CNNM2: variants seen among roughly 807,000 people sequenced by gnomAD.
The protein encoded by CNNM2 is metal transporter CNNM2.
Under a neutral mutation model 66.9 loss-of-function variants are expected in CNNM2, and 12 were observed. The observed-to-expected ratio is 0.18, with a 90% CI of 0.11 to 0.29. CNNM2 has a LOEUF of 0.29. Among genes scored for constraint, CNNM2 ranks in the 10% least tolerant of loss-of-function variants. The probability of loss-of-function intolerance (pLI) is 1.00; values close to 1 mark genes in which losing one functional copy is unlikely to be tolerated. For missense variants in CNNM2, 705 were observed against 1,167.7 expected (o/e 0.60, Z 5.77); for synonymous variants, 557 against 501.8 (o/e 1.11, Z -1.47).
At chr10:103,002,617 T>G (rs1483763826) in intron 1 of CNNM2, among the ~76,000 whole-genome samples, 1 of 151,916 alleles carries the variant, frequency 6.6e-6, no homozygotes, top group Non-Finnish European at 1.5e-5. Context: ...GTAGCTGGGA[T>G]TACAGGCATG....
intron 4 of CNNM2, among the ~76,000 whole-genome samples, chr10:103,062,362 T>TA (rs2065401826): frequency 1.3e-5 from 2 of 152,192 alleles, no homozygotes; most frequent in East Asian, 3.8e-4. Flanking sequence ...TTTAAGCTTT[T>TA]AATAGCAACC....
intron 6 of CNNM2, among the ~76,000 whole-genome samples, chr10:103,074,506 GACAATTGGAGGGAGAGTTAAGAT>G (rs1325618586): frequency 6.6e-6 from 1 of 152,148 alleles, no homozygotes; most frequent in African/African-American, 2.4e-5. Flanking sequence ...TTCATGACTT[GACAATTGGAGGGAGAGTTAAGAT>G]ACAAAAATTT....
At chr10:103,068,854 A>T in intron 5 of CNNM2, 132 bp downstream of exon 5, 2 of 650,828 alleles carry the variant, frequency 3.1e-6, no homozygotes, top group South Asian at 4.1e-5. Flanking sequence ...TTTGAAGTAT[A>T]TCATATATGC....
At chr10:102,924,057 T>C (rs1845757407) in intron 1 of CNNM2, among the ~76,000 whole-genome samples, 1 of 152,246 alleles carries the variant, frequency 6.6e-6, no homozygotes, top group Non-Finnish European at 1.5e-5. Flanking sequence ...TTTCTCTTTT[T>C]TTGTGTGTGT....
Position 103,076,093 on chromosome 10 carries a change from T to C in CNNM2, c.2241T>C (p.Asn747=). 3 of 1,608,762 alleles carry C rather than the reference T, an allele frequency of 1.9e-6. No homozygotes were observed. The highest frequency in any genetic ancestry group is 2.6e-6 in the Non-Finnish European group (3 of 1,176,382). ...ELLAAGSPGE[N]KSPPRPCGLN... is the part of the protein sequence containing the mutation. ...TTTTCCCTCCTTTTCCAGGTGAAAA[T>C]AAGTCCCCTCCTCGCCCATGTGGCT... Residue 747 remains asparagine (N), a synonymous_variant, in exon 7 of 8, where the codon AAT becomes AAC. Transcript: ENST00000369878.
chr10:102,999,368 C>A (rs1447786777), intron 1 of CNNM2, among the ~76,000 whole-genome samples: 1 of 151,830 alleles, frequency 6.6e-6, no homozygotes, highest in Non-Finnish European at 1.5e-5. Context: ...AGGCGTGAGC[C>A]ACTGCACCCG....
At chr10:103,012,194 A>G (rs574718782) in intron 1 of CNNM2, among the ~76,000 whole-genome samples, 1 of 152,358 alleles carries the variant, frequency 6.6e-6, no homozygotes, top group African/African-American at 2.4e-5. Context: ...ATAAATTCCT[A>G]GAAGTAGAAT....
rs78621276 is a variant in CNNM2 at position 103,055,631 on chromosome 10, A to G, written c.1904-1164A>G. Among the ~76,000 whole-genome samples, 375 of 152,258 alleles carry G rather than the reference A, an allele frequency of 2.5e-3. 1 individual carries two copies. Among genetic ancestry groups the G allele is most frequent in the African/African-American group, 8.6e-3 (359 of 41,556 alleles). ...TTTTCTTTCTTCTTTCTTTTTCTGT[A>G]TTTTCTAAAATTCCTGTAATTACTA... On this transcript the variant is annotated intron_variant, in intron 3 of 7. Coordinates refer to ENST00000369878, the MANE Select transcript of CNNM2 (RefSeq NM_017649.5).
chr10:102,927,477 T>G (rs1845910536), intron 1 of CNNM2: 2 of 1,590,006 alleles, frequency 1.3e-6, no homozygotes, highest in South Asian at 1.1e-5. Context: ...GGGTGGCAGT[T>G]GGCTGGGCGT....
chr10:102,994,995 T>C (rs1215254910), intron 1 of CNNM2, among the ~76,000 whole-genome samples: 1 of 152,024 alleles, frequency 6.6e-6, no homozygotes. Flanking sequence ...TCCTTTCTTC[T>C]TCATGTTGGT....
At chr10:102,933,898 A>C (rs941561989) in intron 1 of CNNM2, among the ~76,000 whole-genome samples, 3 of 152,296 alleles carry the variant, frequency 2.0e-5, no homozygotes, top group Non-Finnish European at 4.4e-5. Flanking sequence ...GCAGTGGTAC[A>C]GTCATAACTC....
chr10:102,964,557 C>T (rs906818465), intron 1 of CNNM2, among the ~76,000 whole-genome samples: 1 of 152,128 alleles, frequency 6.6e-6, no homozygotes, highest in African/African-American at 2.4e-5. Context: ...AATTGGGAGC[C>T]TAGTCTTGGC....
chr10:103,069,453 G>A (rs2065536506), intron 5 of CNNM2, among the ~76,000 whole-genome samples: 1 of 152,182 alleles, frequency 6.6e-6, no homozygotes, highest in African/African-American at 2.4e-5. Context: ...TGGTATTGTT[G>A]AGTCTGTTAA....
intron 1 of CNNM2, among the ~76,000 whole-genome samples, chr10:103,025,292 T>G (rs1259923781): frequency 2.0e-5 from 3 of 152,142 alleles, no homozygotes; most frequent in Non-Finnish European, 4.4e-5. Flanking sequence ...GGTTTCACCG[T>G]GTTGGCCAGG....
chr10:103,009,123 A>C (rs551508726), intron 1 of CNNM2, among the ~76,000 whole-genome samples: 2 of 152,248 alleles, frequency 1.3e-5, no homozygotes, highest in East Asian at 3.9e-4. Flanking sequence ...CTAAAAATAC[A>C]AAAGTAGCCA....
intron 1 of CNNM2, among the ~76,000 whole-genome samples, chr10:102,932,386 C>T (rs1189318123): frequency 6.6e-6 from 1 of 151,950 alleles, no homozygotes; most frequent in South Asian, 2.1e-4. Flanking sequence ...CTTTTGGTGT[C>T]ATAGCTAAGA....
rs2134384523 is a variant in CNNM2, at chr10:103,086,729, A to AG, written c.*9550dup. On this transcript the variant is annotated 3_prime_UTR_variant, in exon 8 of 8. Transcript: ENST00000369878. ...ACGACTTCTAAAAGTATCTTAGGGTAGCTTGAAGGGTTTGCGTTATTATTT... is the reference window on the plus strand; with the variant it reads ...ACGACTTCTAAAAGTATCTTAGGGTAGGCTTGAAGGGTTTGCGTTATTATTT... 1 of 152,334 alleles carries AG rather than the reference A, an allele frequency of 6.6e-6. No homozygotes were observed. The highest frequency in any genetic ancestry group is 2.1e-4 in the South Asian group (1 of 4,828). The allele number at this position is 152,334 out of a possible 1,614,324, so 9.4% of individuals were successfully genotyped here.
intron 1 of CNNM2, among the ~76,000 whole-genome samples, chr10:102,972,542 CAGG>C (rs1295609363): frequency 6.6e-6 from 1 of 152,168 alleles, no homozygotes; most frequent in Non-Finnish European, 1.5e-5. Flanking sequence ...GAGGCTGAGG[CAGG>C]AGAAGGCGTG....
chr10:103,049,890 C>CT (rs777279252), intron 2 of CNNM2, 40 bp downstream of exon 2: 1 of 1,599,812 alleles, frequency 6.3e-7, no homozygotes, highest in Non-Finnish European at 8.5e-7. Flanking sequence ...GAAACCTTTG[C>CT]TTTTTTTGTT....
Sources: allele counts gnomAD v4.1 joint callset (sites outside exome capture counted in the v4.1 genomes callset), GRCh38; gene constraint gnomAD v4.1.1; transcripts MANE v1.5; gene names NCBI Gene and HGNC (gene_info 2026-07-23, HGNC 2026-07-21).